The following CFAP92 variants were observed in gnomAD, a reference collection of about 807,000 sequenced individuals.
CFAP92 encodes the protein cilia and flagella associated protein 92 (putative), also known as uncharacterized protein CFAP92.
CFAP92 carries 86 observed loss-of-function variants against 106.3 expected under a neutral mutation model. That is an observed-to-expected ratio of 0.81 (90% CI 0.68 to 0.97). CFAP92 has a LOEUF of 0.97. Ranked by LOEUF, CFAP92 falls within the 50% of genes least tolerant of loss-of-function variation. The pLI is 0.00. For missense variants in CFAP92, 1,204 were observed against 1,283.8 expected (o/e 0.94, Z 0.95); for synonymous variants, 477 against 506.4 (o/e 0.94, Z 0.78).
intron 9 of CFAP92, among the ~76,000 whole-genome samples, chr3:128,947,052 C>T (rs1940284298): frequency 6.6e-6 from 1 of 152,084 alleles, no homozygotes; most frequent in Admixed American, 6.6e-5. Flanking sequence ...GAATGGCAAA[C>T]CTAGTATCTC....
chr3:128,950,523 GCCC>G (rs1940677534), intron 9 of CFAP92, among the ~76,000 whole-genome samples: 1 of 152,186 alleles, frequency 6.6e-6, no homozygotes, highest in Non-Finnish European at 1.5e-5. Context: ...TGTGTCCCAG[GCCC>G]CCGACACCCT....
At chr3:128,912,855 C>T in intron 15 of CFAP92, 1 of 655,632 alleles carries the variant, frequency 1.5e-6, no homozygotes, top group Non-Finnish European at 2.9e-6. Flanking sequence ...ATTGCTGACC[C>T]CTGGAACTGG....
At chr3:128,944,492 GC>G (rs1366587786) in intron 10 of CFAP92, among the ~76,000 whole-genome samples, 1 of 152,148 alleles carries the variant, frequency 6.6e-6, no homozygotes, top group Admixed American at 6.5e-5. Flanking sequence ...ACAGATGGGG[GC>G]CCTCCAGACT....
In CFAP92 at chr3:128,977,070, A is replaced by C; in HGVS notation, c.809-4T>G. On this transcript the variant is annotated splice_region_variant and splice_polypyrimidine_tract_variant and intron_variant, in intron 5 of 15. Transcript: ENST00000645291. Reference sequence around the variant, plus strand: ...TCGGGCTCTGCTTGGTGAGAACCTGAAAACAGTAGCAAATATTTCCAAGCT... The same window carrying C: ...TCGGGCTCTGCTTGGTGAGAACCTGCAAACAGTAGCAAATATTTCCAAGCT... 3 of 1,612,548 alleles carry C rather than the reference A, an allele frequency of 1.9e-6. No individual in the cohort carries two copies. The highest frequency in any genetic ancestry group is 2.5e-6 in the Non-Finnish European group (3 of 1,178,672).
In CFAP92 at chr3:128,993,165, T is replaced by G. The variant is rs760925152; in HGVS notation, c.140A>C (p.Asp47Ala). The G allele has an allele frequency of 3.7e-6, 6 of 1,613,912 alleles. No homozygotes were observed. The highest frequency in any genetic ancestry group is 5.1e-6 in the Non-Finnish European group (6 of 1,179,854). The change falls in exon 2 of 16, where the codon GAC (aspartate) becomes GCC (alanine). Residue 47 changes from aspartate to alanine, a missense_variant. Coordinates refer to ENST00000645291, the MANE Select transcript of CFAP92 (RefSeq NM_001394090.1). ...LKAKARAQES[D>A]SDRPCSSIES... ...GATGCTGCTGCACGGGCGGTCAGAG[T>G]CAGACTCCTGGGCCCTGGCCTTGGC...
At chr3:128,996,705 T>C (rs551070874), upstream of CFAP92, among the ~76,000 whole-genome samples, 183 of 152,324 alleles carry the variant, frequency 1.2e-3, 1 homozygote, top group African/African-American at 4.1e-3. Context: ...ATCAGCTGAG[T>C]AGTTCTCTGC....
chr3:128,956,797 T>C (rs1941461613), intron 9 of CFAP92, among the ~76,000 whole-genome samples: 1 of 151,898 alleles, frequency 6.6e-6, no homozygotes, highest in African/African-American at 2.4e-5. Flanking sequence ...CTGGCTAACA[T>C]GGTGAAATTC....
chr3:129,001,566 C>G lies in CFAP92; in HGVS notation n.117+1008G>C. 3.0e-6 allele frequency: 4 copies of G among 1,348,778 alleles called. No homozygotes were observed. The South Asian group carries it at 7.4e-5, about 25-fold the overall frequency. The allele number at this position is 1,348,778 out of a possible 1,614,324, so 83.6% of individuals were successfully genotyped here. ...CTTTCGAGAAACTCTGGGGCCGCCC[C>G]TGGAAGTGGCGGGGCGAAGGGACCG... On this transcript the variant is annotated intron_variant and non_coding_transcript_variant, in intron 1 of 4. Transcript: ENST00000510149.
chr3:129,024,337 G>A, the CFAP92 span, among the ~76,000 whole-genome samples: 4 of 152,014 alleles, frequency 2.6e-5, no homozygotes, highest in East Asian at 1.9e-4. Flanking sequence ...TTCAAGACCC[G>A]CCTGGCCAAC....
intron 9 of CFAP92, among the ~76,000 whole-genome samples, chr3:128,957,503 ATAC>A (rs1559896391): frequency 6.6e-6 from 1 of 152,232 alleles, no homozygotes; most frequent in Admixed American, 6.5e-5. Context: ...AAATTCAAAA[ATAC>A]TACAGATAAA....
chr3:129,009,850 G>T, the CFAP92 span, among the ~76,000 whole-genome samples: 1 of 152,218 alleles, frequency 6.6e-6, no homozygotes, highest in Non-Finnish European at 1.5e-5. Context: ...TGGGTGCTTT[G>T]GGAGTGGTTT....
intron 12 of CFAP92, among the ~76,000 whole-genome samples, chr3:128,928,380 A>C (rs1937942748): frequency 6.6e-6 from 1 of 152,264 alleles, no homozygotes; most frequent in Non-Finnish European, 1.5e-5. Flanking sequence ...TTTGAAAAAG[A>C]ACAAAGTTAA....
chr3:128,927,491 C>T (rs182241811), intron 12 of CFAP92, among the ~76,000 whole-genome samples: 4 of 151,976 alleles, frequency 2.6e-5, no homozygotes, highest in Admixed American at 6.6e-5. Context: ...GAGGCCGAGG[C>T]GGGTGGATCA....
chr3:128,936,702 CAAA>C (rs1939059466), intron 10 of CFAP92, among the ~76,000 whole-genome samples: 1 of 152,170 alleles, frequency 6.6e-6, no homozygotes, highest in Admixed American at 6.5e-5. Flanking sequence ...CCCAAATTCT[CAAA>C]ACAATACCTA....
chr3:129,013,924 A>T, the CFAP92 span, among the ~76,000 whole-genome samples: 2 of 152,166 alleles, frequency 1.3e-5, no homozygotes, highest in Non-Finnish European at 2.9e-5. Context: ...CTTCTTTGTG[A>T]CTAGGCAGGG....
At chr3:128,916,513 G>C (rs768179123) in intron 12 of CFAP92, among the ~76,000 whole-genome samples, 30 of 152,134 alleles carry the variant, frequency 2.0e-4, no homozygotes, top group Non-Finnish European at 2.9e-4. Context: ...ACTGTAACTG[G>C]AACACACATC....
chr3:129,014,230 G>GT, the CFAP92 span, among the ~76,000 whole-genome samples: 1 of 152,246 alleles, frequency 6.6e-6, no homozygotes, highest in Admixed American at 6.5e-5. This position sits in a 1 kb window ranked among gnomAD's most constrained non-coding sequence, Gnocchi z 4.3. Flanking sequence ...CTCTCAGTGC[G>GT]TTACGCTGTT....
At chr3:129,018,545 A>G in the CFAP92 span, among the ~76,000 whole-genome samples, 1 of 152,226 alleles carries the variant, frequency 6.6e-6, no homozygotes, top group Non-Finnish European at 1.5e-5. Context: ...ATGGGCTTCA[A>G]AGCCTGAAGT....
chr3:129,001,527 C>T, intron 1 of CFAP92: 1 of 1,334,334 alleles, frequency 7.5e-7, no homozygotes, highest in Non-Finnish European at 9.5e-7. Flanking sequence ...CAGACCGCGA[C>T]CGCTAAGCCC....
Sources: gnomAD v4.1 joint callset for allele counts (sites outside exome capture counted in the v4.1 genomes callset) on GRCh38, gnomAD v4.1.1 for gene constraint, Gnocchi (gnomAD v3.1) non-coding constraint, MANE v1.5 for transcripts, NCBI Gene and HGNC (gene_info 2026-07-23, HGNC 2026-07-21) for gene names.